EIF4G3: variants seen among roughly 807,000 people sequenced by gnomAD.
EIF4G3 encodes the protein eIF-4-gamma 3.
Under a neutral mutation model 186.4 loss-of-function variants are expected in EIF4G3, and 34 were observed. The observed-to-expected ratio is 0.18, with a 90% CI of 0.14 to 0.24. The LOEUF is 0.24. Ranked by LOEUF, EIF4G3 falls within the 10% of genes least tolerant of loss-of-function variation. EIF4G3 has a pLI of 1.00. For synonymous variants in EIF4G3, 673 were observed against 679.5 expected (o/e 0.99, Z 0.15); for missense variants, 1,536 against 1,948.5 (o/e 0.79, Z 3.99).
chr1:21,030,281 T>C (rs2092619096), intron 4 of EIF4G3, among the ~76,000 whole-genome samples: 1 of 152,194 alleles, frequency 6.6e-6, no homozygotes, highest in African/African-American at 2.4e-5. Flanking sequence ...ATAATTCCCA[T>C]GTGTTATGGG....
chr1:20,817,680 AGTT>A, intron 33 of EIF4G3, 142 bp from the exon 34 acceptor site: 27 of 220,610 alleles, frequency 1.2e-4, no homozygotes, highest in East Asian at 2.0e-4. Context: ...TTATGTTTGT[AGTT>A]TTTTTTTTTT....
chr1:21,039,622 C>A (rs1489449180), intron 4 of EIF4G3, among the ~76,000 whole-genome samples: 1 of 152,162 alleles, frequency 6.6e-6, no homozygotes, highest in Non-Finnish European at 1.5e-5. Context: ...ATTTCCAACA[C>A]CCTGAACTCC....
intron 14 of EIF4G3, among the ~76,000 whole-genome samples, chr1:20,907,646 G>A (rs565927262): frequency 6.6e-6 from 1 of 151,570 alleles, no homozygotes; most frequent in Admixed American, 6.6e-5. Flanking sequence ...GTGGTGTTTG[G>A]TTTTCTTTGT....
At chr1:21,035,582 G>A (rs1300644081) in intron 4 of EIF4G3, among the ~76,000 whole-genome samples, 2 of 152,242 alleles carry the variant, frequency 1.3e-5, no homozygotes, top group African/African-American at 2.4e-5. Context: ...CATAGGCTCA[G>A]GGCAGCACTG....
intron 2 of EIF4G3, among the ~76,000 whole-genome samples, chr1:21,171,348 T>C (rs1484703085): frequency 2.6e-5 from 4 of 152,216 alleles, no homozygotes. Flanking sequence ...TCATATCTCA[T>C]AATGAACTAA....
At chr1:20,844,676 C>CA (rs1204985343) in intron 29 of EIF4G3, among the ~76,000 whole-genome samples, 18 of 152,070 alleles carry the variant, frequency 1.2e-4, no homozygotes, top group African/African-American at 4.1e-4. Flanking sequence ...ACTAAAAATA[C>CA]AAAAAATTAG....
chr1:20,943,864 G>C (rs1290547540), intron 13 of EIF4G3, among the ~76,000 whole-genome samples: 3 of 151,944 alleles, frequency 2.0e-5, no homozygotes, highest in Non-Finnish European at 4.4e-5. Context: ...ACTTTTCTTA[G>C]TTACTGCAGT....
At chr1:21,122,716 T>C (rs957472599) in intron 2 of EIF4G3, among the ~76,000 whole-genome samples, 10 of 152,206 alleles carry the variant, frequency 6.6e-5, no homozygotes, top group African/African-American at 2.4e-4. Flanking sequence ...AGCACTTTCA[T>C]GTAAGAAAAT....
intron 10 of EIF4G3, among the ~76,000 whole-genome samples, chr1:20,979,386 C>G (rs2077500789): frequency 1.3e-5 from 2 of 152,246 alleles, no homozygotes; most frequent in South Asian, 4.2e-4. Flanking sequence ...TTAGTTATGG[C>G]ATGTATATTC....
At chr1:20,948,010 C>A (rs1329350777) in intron 13 of EIF4G3, among the ~76,000 whole-genome samples, 1 of 152,134 alleles carries the variant, frequency 6.6e-6, no homozygotes, top group Non-Finnish European at 1.5e-5. Context: ...AAGGACAGAA[C>A]TATCATCATC....
intron 14 of EIF4G3, among the ~76,000 whole-genome samples, chr1:20,926,079 A>G (rs1251738724): frequency 6.6e-6 from 1 of 152,184 alleles, no homozygotes; most frequent in Non-Finnish European, 1.5e-5. Context: ...AAAATATCTT[A>G]TTTTAGTAAG....
At chr1:21,136,175 G>A (rs2097240933) in intron 2 of EIF4G3, among the ~76,000 whole-genome samples, 1 of 151,014 alleles carries the variant, frequency 6.6e-6, no homozygotes, top group Admixed American at 6.6e-5. Context: ...GGGCGACAGA[G>A]CGAGACTCCG....
chr1:21,002,666 A>T (rs1426861275), intron 5 of EIF4G3, 47 bp downstream of exon 5: 1 of 1,594,888 alleles, frequency 6.3e-7, no homozygotes, highest in South Asian at 1.1e-5. Flanking sequence ...CTACACACAC[A>T]AACACAGGTA....
At chr1:20,812,488 G>C (rs2059443305) in intron 35 of EIF4G3, among the ~76,000 whole-genome samples, 1 of 152,170 alleles carries the variant, frequency 6.6e-6, no homozygotes, top group Non-Finnish European at 1.5e-5. Context: ...CTTCAAAATA[G>C]AGACAGACTT....
intron 12 of EIF4G3, among the ~76,000 whole-genome samples, chr1:20,958,565 A>G (rs1221173380): frequency 6.6e-6 from 1 of 152,194 alleles, no homozygotes; most frequent in Non-Finnish European, 1.5e-5. Context: ...TAGGTAAGAG[A>G]AAGAAATAAA....
intron 20 of EIF4G3, among the ~76,000 whole-genome samples, chr1:20,874,632 A>G (rs973490592): frequency 6.6e-6 from 1 of 151,838 alleles, no homozygotes; most frequent in African/African-American, 2.4e-5. Context: ...CAGTTAATGC[A>G]CTCCAAACAG....
intron 20 of EIF4G3, among the ~76,000 whole-genome samples, chr1:20,878,255 T>C (rs1176963611): frequency 2.0e-5 from 3 of 152,192 alleles, no homozygotes; most frequent in African/African-American, 7.2e-5. Flanking sequence ...CTGCTTAGAA[T>C]GTGTTCTTTC....
chr1:20,858,550 CCTT>C (rs1275839627), intron 24 of EIF4G3, among the ~76,000 whole-genome samples: 1 of 152,138 alleles, frequency 6.6e-6, no homozygotes, highest in Non-Finnish European at 1.5e-5. Context: ...GTCCCTTCTC[CCTT>C]CTTTGTTTTT....
chr1:20,935,573 A>T (rs1176324760), intron 14 of EIF4G3, among the ~76,000 whole-genome samples: 1 of 152,240 alleles, frequency 6.6e-6, no homozygotes, highest in African/African-American at 2.4e-5. Flanking sequence ...TTAAGGATAC[A>T]TAATAGTCAT....
Sources: allele counts gnomAD v4.1 joint callset (sites outside exome capture counted in the v4.1 genomes callset), GRCh38; gene constraint gnomAD v4.1.1; transcripts MANE v1.5; gene names NCBI Gene and HGNC (gene_info 2026-07-23, HGNC 2026-07-21).